The following CACNA1C variants were observed in gnomAD, a reference collection of about 807,000 sequenced individuals.
CACNA1C encodes the protein calcium voltage-gated channel subunit alpha1 C, also known as voltage-dependent L-type calcium channel subunit alpha-1C.
Under a neutral mutation model 229.0 loss-of-function variants are expected in CACNA1C, and 30 were observed. The ratio of observed to expected loss-of-function variants is 0.13; its 90% CI spans 0.10 to 0.18. CACNA1C has a LOEUF of 0.18. Ranked by LOEUF, CACNA1C falls within the 10% of genes least tolerant of loss-of-function variation. CACNA1C has a pLI of 1.00. For synonymous variants in CACNA1C, 1,114 were observed against 1,132.5 expected, an observed-to-expected ratio of 0.98 and a Z score of 0.33; for missense variants, 1,658 against 2,845.0, an observed-to-expected ratio of 0.58 and a Z score of 9.49.
rs1003942 is a variant in CACNA1C at position 2,307,449 on chromosome 12, A to T, written c.478-141527A>T. Among the ~76,000 whole-genome samples, 1,042 of 152,328 alleles carry T rather than the reference A, an allele frequency of 6.8e-3. 8 individuals are homozygous for T. Among genetic ancestry groups the T allele is most frequent in the African/African-American group, 0.023 (940 of 41,572 alleles). On this transcript the variant is annotated intron_variant, in intron 3 of 46. Coordinates refer to ENST00000399655, the MANE Select transcript of CACNA1C (RefSeq NM_000719.7). ...AGCAGCTGAGCCAGGACTAGCACCC[A>T]GCTCCCTGCTTCCCAGTACTCATGG...
chr12:2,628,432 C>T (rs2088353605), intron 29 of CACNA1C, among the ~76,000 whole-genome samples: 1 of 152,150 alleles, frequency 6.6e-6, no homozygotes, highest in African/African-American at 2.4e-5. Context: ...ATACTAGTGA[C>T]CTGGAGGATG....
chr12:2,443,166 A>G (rs536230758), intron 3 of CACNA1C, among the ~76,000 whole-genome samples: 27 of 152,318 alleles, frequency 1.8e-4, no homozygotes, highest in African/African-American at 6.0e-4. Flanking sequence ...CCTTCCACCT[A>G]TGGGCCTGTA....
chr12:2,384,973 G>A (rs1173474300), intron 3 of CACNA1C, among the ~76,000 whole-genome samples: 2 of 152,342 alleles, frequency 1.3e-5, no homozygotes, highest in African/African-American at 4.8e-5. Flanking sequence ...GTCAGCCTCA[G>A]GGAGGGGAGC....
chr12:2,123,371 A>AT (rs1199391745), intron 3 of CACNA1C, among the ~76,000 whole-genome samples: 1 of 91,696 alleles, frequency 1.1e-5, no homozygotes, highest in Non-Finnish European at 2.0e-5. Flanking sequence ...AGGAGACTCC[A>AT]TCTCAAAAAA....
chr12:2,103,366 G>GTTTTATATAGTTTTATATAGTTTTTA (rs2077099830), intron 1 of CACNA1C, among the ~76,000 whole-genome samples: 2 of 152,264 alleles, frequency 1.3e-5, no homozygotes, highest in African/African-American at 4.8e-5. Flanking sequence ...ATAGTTGCCT[G>GTTTTATATAGTTTTATATAGTTTTTA]CATAAATGTC....
chr12:2,151,755 C>T (rs1055289255), intron 3 of CACNA1C, among the ~76,000 whole-genome samples: 1 of 152,212 alleles, frequency 6.6e-6, no homozygotes, highest in African/African-American at 2.4e-5. Flanking sequence ...AGGCCACTCT[C>T]GGAGACACAC....
In CACNA1C at chr12:1,996,639, AAAAAAAAAAAAAAAAAC is replaced by A. The variant is rs1279448830; in HGVS notation, c.139+25441_139+25457del. Among the ~76,000 whole-genome samples the A allele has an allele frequency of 9.2e-4, 108 of 117,164 alleles. 7 individuals carry two copies. The highest frequency in any genetic ancestry group is 2.4e-3 in the African/African-American group (70 of 29,182). The allele number at this position is 117,164 out of a possible 152,430, so 76.9% of individuals were successfully genotyped here. Reference sequence around the variant, plus strand: ...GCTAAAAAAAAAAAAAAAAAAAAAAAAAAAAAAAAAAAAAAACAACAAACTCTTCTAATGTTTTAAAG... The same window carrying A: ...GCTAAAAAAAAAAAAAAAAAAAAAAAAACAAACTCTTCTAATGTTTTAAAG... On this transcript the variant is annotated intron_variant, in intron 1 of 46. Coordinates refer to the CACNA1C transcript ENST00000682462.
intron 3 of CACNA1C, among the ~76,000 whole-genome samples, chr12:2,422,219 T>C (rs996139525): frequency 6.6e-6 from 1 of 152,032 alleles, no homozygotes; most frequent in Non-Finnish European, 1.5e-5. Context: ...TTATTCAATA[T>C]AGGAGGAGAA....
At chr12:2,042,542 A>G (rs909999965) in intron 1 of CACNA1C, among the ~76,000 whole-genome samples, 1 of 152,160 alleles carries the variant, frequency 6.6e-6, no homozygotes, top group African/African-American at 2.4e-5. Context: ...CTGTATTTCA[A>G]ATGTCTCCTT....
At chr12:2,323,184 G>A (rs933630646) in intron 3 of CACNA1C, among the ~76,000 whole-genome samples, 10 of 152,068 alleles carry the variant, frequency 6.6e-5, no homozygotes, top group Admixed American at 2.6e-4. Context: ...TTTTTCAGCC[G>A]ACCTTGCTTC....
Position 2,252,258 on chromosome 12 carries a change from G to C in CACNA1C, c.477+131828G>C, listed in dbSNP as rs369308995. Among the ~76,000 whole-genome samples the C allele has an allele frequency of 2.0e-5, 3 of 152,280 alleles. No individual in the cohort carries two copies. The South Asian group carries it at 6.2e-4, about 32-fold the overall frequency. On this transcript the variant is annotated intron_variant, in intron 3 of 46. Transcript: ENST00000399655. ...TGGATGAATGTATTATTTGCTGGGGGCTCTTGTGGGGCTTGCTTGAAGTGT... is the reference window on the plus strand; with the variant it reads ...TGGATGAATGTATTATTTGCTGGGGCCTCTTGTGGGGCTTGCTTGAAGTGT...
intron 1 of CACNA1C, among the ~76,000 whole-genome samples, chr12:2,086,650 C>T (rs1315511505): frequency 6.6e-6 from 1 of 152,218 alleles, no homozygotes; most frequent in Non-Finnish European, 1.5e-5. Context: ...CATGGTGACT[C>T]AGTGAGCATG....
In CACNA1C at chr12:2,688,507, C is replaced by T. The variant is rs770192725; in HGVS notation, c.5845C>T (p.Pro1949Ser). Residue 1949 changes from proline to serine, a missense_variant, in exon 46 of 47, where the codon CCT (proline) becomes TCT (serine). Around this residue, in one of 20 missense-constraint regions of CACNA1C, gnomAD observed 590 missense variants for 700.8 expected, o/e 0.84. Coordinates refer to ENST00000399655, the MANE Select transcript of CACNA1C (RefSeq NM_000719.7). The stretch of plus-strand genomic sequence containing the variant: ...GAGAAGCCATTCCCCTGCCTCATTC[C>T]CTAGGCCTTTTGCCACCCCACCAGC... ...LQRSHSPASFPRPFATPPATP... is the reference protein window; with the variant it reads ...LQRSHSPASFSRPFATPPATP... The T allele has an allele frequency of 5.6e-6, 9 of 1,613,812 alleles. No homozygotes were observed. The highest frequency in any genetic ancestry group is 7.6e-6 in the Non-Finnish European group (9 of 1,179,892).
At chr12:2,473,109 G>A (rs781359292) in intron 5 of CACNA1C, among the ~76,000 whole-genome samples, 4 of 152,180 alleles carry the variant, frequency 2.6e-5, no homozygotes, top group Non-Finnish European at 5.9e-5. Context: ...TTTCAGGGCC[G>A]TAAGTCCAAC....
Position 2,597,978 on chromosome 12 carries a change from T to A in CACNA1C, c.2853+689T>A, listed in dbSNP as rs1194717556. Reference sequence around the variant, plus strand: ...TGGATGCCCATCCTTAGCACCTTCCTCAGTACTTGCAGCAGATATTGGGTC... The same window carrying A: ...TGGATGCCCATCCTTAGCACCTTCCACAGTACTTGCAGCAGATATTGGGTC... On this transcript the variant is annotated intron_variant, in intron 21 of 46. Transcript: ENST00000399655. The surrounding 1 kb of genome is among the most constrained non-coding windows in gnomAD (Gnocchi z 4.3). 1.3e-5 allele frequency among the ~76,000 whole-genome samples: 2 copies of A among 152,228 alleles called. No individual in the cohort carries two copies. Among genetic ancestry groups the A allele is most frequent in the African/African-American group, 4.8e-5 (2 of 41,464 alleles).
chr12:2,416,546 A>G (rs1235635727), intron 3 of CACNA1C, among the ~76,000 whole-genome samples: 1 of 152,220 alleles, frequency 6.6e-6, no homozygotes, highest in Non-Finnish European at 1.5e-5. Flanking sequence ...AATTTGTCCC[A>G]GGTCAAACCA....
chr12:2,593,034 G>A (rs377334246), intron 18 of CACNA1C, among the ~76,000 whole-genome samples, 179 bp from the exon 19 acceptor site: 4 of 152,122 alleles, frequency 2.6e-5, no homozygotes, highest in Admixed American at 2.0e-4. Flanking sequence ...TGCCAGATAC[G>A]ACTTCTCCAG....
chr12:2,423,468 G>A (rs1398777819), intron 3 of CACNA1C, among the ~76,000 whole-genome samples: 1 of 152,064 alleles, frequency 6.6e-6, no homozygotes, highest in Non-Finnish European at 1.5e-5. Context: ...GGTAGGATGG[G>A]GTAATATACT....
At chr12:2,232,227 G>GTTTTTTTTTT (rs1169407536) in intron 3 of CACNA1C, among the ~76,000 whole-genome samples, 55 of 73,552 alleles carry the variant, frequency 7.5e-4, no homozygotes, top group East Asian at 2.1e-3. Context: ...GTCTTTCCTT[G>GTTTTTTTTTT]TTTTTTTTTT....
Sources: gnomAD v4.1 joint callset for allele counts (sites outside exome capture counted in the v4.1 genomes callset) on GRCh38, gnomAD v4.1.1 for gene constraint, gnomAD v4.1.1 regional missense constraint, Gnocchi (gnomAD v3.1) non-coding constraint, MANE v1.5 for transcripts, NCBI Gene and HGNC (gene_info 2026-07-23, HGNC 2026-07-21) for gene names.